ARK2C: variants seen among roughly 807,000 people sequenced by gnomAD.
ARK2C encodes the protein E3 ubiquitin-protein ligase ARK2C.
chr18:46,369,956 C>T, the ARK2C span, among the ~76,000 whole-genome samples: 10 of 151,918 alleles, frequency 6.6e-5, no homozygotes, highest in Non-Finnish European at 1.2e-4. Flanking sequence ...CACGCACACA[C>T]GCACACATGC....
At chr18:46,334,739 C>A in the ARK2C span, 26 of 327,976 alleles carry the variant, frequency 7.9e-5, 1 homozygote, top group African/African-American at 2.5e-4. This position sits in a 1 kb window ranked among gnomAD's most constrained non-coding sequence, Gnocchi z 4.4. Context: ...AGCGCGCGCG[C>A]GAGAGCATGC....
the ARK2C span, among the ~76,000 whole-genome samples, chr18:46,423,286 G>C: frequency 4.6e-5 from 7 of 152,304 alleles, no homozygotes; most frequent in Non-Finnish European, 8.8e-5. Context: ...AGGAGGCCTG[G>C]GGCTATTGGC....
the ARK2C span, among the ~76,000 whole-genome samples, chr18:46,364,204 T>A: frequency 6.6e-6 from 1 of 151,976 alleles, no homozygotes; most frequent in Non-Finnish European, 1.5e-5. Flanking sequence ...AGCCTCAGCC[T>A]CCCAAAGTGC....
the ARK2C span, among the ~76,000 whole-genome samples, chr18:46,359,093 A>G: frequency 1.3e-5 from 2 of 152,202 alleles, no homozygotes; most frequent in East Asian, 3.9e-4. Flanking sequence ...AGAGGCAGTA[A>G]CATCCACTTC....
the ARK2C span, chr18:46,334,509 C>A: frequency 2.0e-6 from 1 of 512,692 alleles, no homozygotes; most frequent in Non-Finnish European, 3.3e-6. This position sits in a 1 kb window ranked among gnomAD's most constrained non-coding sequence, Gnocchi z 4.4. Context: ...GGGGCGGCCG[C>A]CCTCGTGGGA....
At chr18:46,453,367 A>C in the ARK2C span, among the ~76,000 whole-genome samples, 1 of 152,178 alleles carries the variant, frequency 6.6e-6, no homozygotes, top group African/African-American at 2.4e-5. Context: ...CGGACCAGGG[A>C]GTGTTTACTC....
the ARK2C span, among the ~76,000 whole-genome samples, chr18:46,435,747 G>A: frequency 2.6e-5 from 4 of 152,186 alleles, no homozygotes; most frequent in Non-Finnish European, 5.9e-5. Context: ...GGAGAATTCC[G>A]AGGAACTGGG....
At chr18:46,341,002 G>A in the ARK2C span, among the ~76,000 whole-genome samples, 2 of 152,212 alleles carry the variant, frequency 1.3e-5, no homozygotes, top group African/African-American at 4.8e-5. Flanking sequence ...GGCAAGAACA[G>A]AAAGTACGTA....
chr18:46,427,467 G>A, the ARK2C span, among the ~76,000 whole-genome samples: 4 of 152,228 alleles, frequency 2.6e-5, no homozygotes, highest in South Asian at 2.1e-4. Flanking sequence ...GCAGCTGCAC[G>A]TTCATGGCAG....
chr18:46,462,750 C>T, the ARK2C span: 1 of 152,406 alleles, frequency 6.6e-6, no homozygotes, highest in African/African-American at 2.4e-5. Flanking sequence ...GGCCCTTTGC[C>T]CTGGCTGGCC....
chr18:46,441,965 C>T, the ARK2C span, among the ~76,000 whole-genome samples: 2 of 151,344 alleles, frequency 1.3e-5, no homozygotes, highest in African/African-American at 2.4e-5. Flanking sequence ...GGGATCGAGA[C>T]CATCCTGGCT....
the ARK2C span, among the ~76,000 whole-genome samples, chr18:46,453,913 G>T: frequency 6.6e-6 from 1 of 151,726 alleles, no homozygotes; most frequent in Admixed American, 6.6e-5. Context: ...AGGAGTTTGA[G>T]ACCAGCCTGG....
chr18:46,370,239 G>A, the ARK2C span, among the ~76,000 whole-genome samples: 1 of 152,186 alleles, frequency 6.6e-6, no homozygotes, highest in Non-Finnish European at 1.5e-5. Flanking sequence ...ATATCCTTAC[G>A]ATCATCTCTA....
At chr18:46,411,538 A>G in the ARK2C span, among the ~76,000 whole-genome samples, 1 of 152,212 alleles carries the variant, frequency 6.6e-6, no homozygotes, top group South Asian at 2.1e-4. Flanking sequence ...AGTTCCTACT[A>G]TGTGCCAGCA....
chr18:46,347,345 G>A, the ARK2C span, among the ~76,000 whole-genome samples: 1 of 152,042 alleles, frequency 6.6e-6, no homozygotes, highest in Non-Finnish European at 1.5e-5. Context: ...CATCCTCCCT[G>A]CCATCCCCTG....
chr18:46,393,644 C>T, the ARK2C span, among the ~76,000 whole-genome samples: 1 of 152,228 alleles, frequency 6.6e-6, no homozygotes, highest in Non-Finnish European at 1.5e-5. Flanking sequence ...CCCAGTTCTT[C>T]TCAAACCTTG....
the ARK2C span, among the ~76,000 whole-genome samples, chr18:46,344,865 T>TCA: frequency 6.6e-6 from 1 of 152,332 alleles, no homozygotes; most frequent in South Asian, 2.1e-4. Context: ...GCCAGAGCCT[T>TCA]GGCTTGGTTC....
At chr18:46,335,855 T>A in the ARK2C span, 3 of 976,686 alleles carry the variant, frequency 3.1e-6, no homozygotes, top group Non-Finnish European at 3.7e-6. Flanking sequence ...ACATTCTGCA[T>A]TTATCAAATC....
At chr18:46,382,683 T>C in the ARK2C span, among the ~76,000 whole-genome samples, 1 of 152,134 alleles carries the variant, frequency 6.6e-6, no homozygotes, top group African/African-American at 2.4e-5. Flanking sequence ...CACAGCCCCG[T>C]GAAGTTAGGC....
Sources: allele counts gnomAD v4.1 joint callset (sites outside exome capture counted in the v4.1 genomes callset), GRCh38; gene constraint gnomAD v4.1.1; non-coding constraint Gnocchi (gnomAD v3.1); transcripts MANE v1.5; gene names NCBI Gene and HGNC (gene_info 2026-07-23, HGNC 2026-07-21).